Variants in GAS6 observed in about 807,000 individuals in gnomAD.
The protein encoded by GAS6 is growth arrest specific 6.
In GAS6, 41 loss-of-function variants were observed where a neutral mutation model predicts 75.8. The ratio of observed to expected loss-of-function variants is 0.54; its 90% CI spans 0.42 to 0.70. The LOEUF (loss-of-function observed/expected upper bound fraction) is 0.70, where lower values mean the gene tolerates loss of function less well. Among genes scored for constraint, GAS6 ranks in the 30% least tolerant of loss-of-function variants. The probability of loss-of-function intolerance (pLI) is 0.00; values close to 1 mark genes in which losing one functional copy is unlikely to be tolerated. For missense variants in GAS6, 854 were observed against 940.2 expected, an observed-to-expected ratio of 0.91 and a Z score of 1.20; for synonymous variants, 432 against 412.6, an observed-to-expected ratio of 1.05 and a Z score of -0.57.
At chr13:113,824,366 C>CT (rs1380788112) in intron 12 of GAS6, among the ~76,000 whole-genome samples, 2 of 149,740 alleles carry the variant, frequency 1.3e-5, no homozygotes, top group Non-Finnish European at 3.0e-5. Flanking sequence ...GGTCTGGGGT[C>CT]TGAGCTGTCA....
rs1394955010 is a variant in GAS6, at chr13:113,837,149, G to T, written c.589+920C>A. ...CAGTGATGGGAGGGGCTCTGTCCTC[G>T]GCGGGGAAATGGGTTTATGTGTTAA... On this transcript the variant is annotated intron_variant, in intron 6 of 14. Transcript: ENST00000327773. The surrounding 1 kb of genome is among the most constrained non-coding windows in gnomAD (Gnocchi z 5.1). 6.6e-6 allele frequency among the ~76,000 whole-genome samples: 1 copy of T among 151,924 alleles called. No individual in the cohort carries two copies. Among genetic ancestry groups the T allele is most frequent in the East Asian group, 1.9e-4 (1 of 5,178 alleles).
At chr13:113,835,004 C>A (rs932720624) in intron 7 of GAS6, among the ~76,000 whole-genome samples, 4 of 152,216 alleles carry the variant, frequency 2.6e-5, no homozygotes, top group African/African-American at 9.6e-5. Context: ...AGTGAGGTGT[C>A]CCCCGGAGCA....
intron 2 of GAS6, among the ~76,000 whole-genome samples, chr13:113,852,705 C>A (rs1361919330): frequency 1.3e-5 from 2 of 152,206 alleles, no homozygotes; most frequent in Non-Finnish European, 2.9e-5. Context: ...AGGTCTCCCC[C>A]GCTCAAAGCC....
At chr13:113,843,029 C>T (rs922939139) in intron 4 of GAS6, 4 of 393,408 alleles carry the variant, frequency 1.0e-5, no homozygotes, top group Admixed American at 4.4e-5. Context: ...GATGCAAGGA[C>T]GGAACCACAC....
Position 113,848,060 on chromosome 13 carries a change from A to C in GAS6, c.256-10T>G, listed in dbSNP as rs375428474. On this transcript the variant is annotated splice_polypyrimidine_tract_variant and intron_variant, in intron 2 of 14. Transcript: ENST00000327773. The surrounding 1 kb of genome is among the most constrained non-coding windows in gnomAD (Gnocchi z 4.8). ...TTGGGTAAAAATAATCCTGTGGAAAAAGAAAAAGAAAAGGCAAGCATTGAC... is the reference window on the plus strand; with the variant it reads ...TTGGGTAAAAATAATCCTGTGGAAACAGAAAAAGAAAAGGCAAGCATTGAC... The C allele has an allele frequency of 8.7e-6, 14 of 1,612,616 alleles. No homozygotes were observed. Among genetic ancestry groups the C allele is most frequent in the Non-Finnish European group, 1.2e-5 (14 of 1,179,422 alleles).
chr13:113,860,440 G>T (rs749995282), intron 2 of GAS6, among the ~76,000 whole-genome samples: 2 of 152,212 alleles, frequency 1.3e-5, no homozygotes, highest in Non-Finnish European at 2.9e-5. Flanking sequence ...GGCTGGGCTG[G>T]GATAAGTCTC....
chr13:113,858,882 T>C (rs2051941980), intron 2 of GAS6, among the ~76,000 whole-genome samples: 1 of 152,078 alleles, frequency 6.6e-6, no homozygotes, highest in Non-Finnish European at 1.5e-5. Flanking sequence ...CATGACTATG[T>C]AAGTCTATGT....
chr13:113,855,437 T>A (rs1048682207), intron 2 of GAS6, among the ~76,000 whole-genome samples: 1 of 152,190 alleles, frequency 6.6e-6, no homozygotes, highest in African/African-American at 2.4e-5. Context: ...ACAAACACGA[T>A]TGCAAAGTTC....
At chr13:113,859,378 G>A (rs1045792286) in intron 2 of GAS6, among the ~76,000 whole-genome samples, 1 of 151,236 alleles carries the variant, frequency 6.6e-6, no homozygotes, top group Non-Finnish European at 1.5e-5. Flanking sequence ...CTATGTGAAT[G>A]TGTGCATGTA....
At chr13:113,856,866 C>G (rs1426081782) in intron 2 of GAS6, among the ~76,000 whole-genome samples, 2 of 152,224 alleles carry the variant, frequency 1.3e-5, no homozygotes, top group African/African-American at 4.8e-5. Flanking sequence ...CTTAGCAATT[C>G]AGAAAAGAAA....
intron 2 of GAS6, among the ~76,000 whole-genome samples, chr13:113,858,245 CAT>C (rs2051929902): frequency 6.6e-6 from 1 of 152,170 alleles, no homozygotes; most frequent in South Asian, 2.1e-4. Flanking sequence ...GCTGGGCATC[CAT>C]GTGTGCCTGT....
chr13:113,842,383 G>A (rs1190308391), intron 4 of GAS6: 1 of 392,564 alleles, frequency 2.5e-6, no homozygotes, highest in African/African-American at 2.1e-5. Context: ...CAGGGGCTGG[G>A]GCTGGCCTTC....
rs982868057 is a variant in GAS6, at chr13:113,848,712, G to T, written c.256-662C>A. Among the ~76,000 whole-genome samples, 1 of 152,124 alleles carries T rather than the reference G, an allele frequency of 6.6e-6. No individual in the cohort carries two copies. The highest frequency in any genetic ancestry group is 1.5e-5 in the Non-Finnish European group (1 of 68,014). On this transcript the variant is annotated intron_variant, in intron 2 of 14. Coordinates refer to ENST00000327773, the MANE Select transcript of GAS6 (RefSeq NM_000820.4). This position sits in a 1 kb window ranked among gnomAD's most constrained non-coding sequence, Gnocchi z 4.8. Reference sequence around the variant, plus strand: ...TAGGGTCAACCATGCCAGCAGTTTGGCCCTAAATGCTCTAAACCAAGAGAC... The same window carrying T: ...TAGGGTCAACCATGCCAGCAGTTTGTCCCTAAATGCTCTAAACCAAGAGAC...
intron 8 of GAS6, 77 bp downstream of exon 8, chr13:113,834,474 T>A: frequency 7.3e-7 from 1 of 1,377,428 alleles, no homozygotes; most frequent in Non-Finnish European, 9.5e-7. Context: ...TTCACGGAAG[T>A]GTTTCTCCCG....
At chr13:113,826,010 T>C (rs145260916) in intron 12 of GAS6, among the ~76,000 whole-genome samples, 357 of 152,172 alleles carry the variant, frequency 2.3e-3, no homozygotes, top group African/African-American at 8.1e-3. Context: ...TGTCCAGGAA[T>C]AGGGCAGGGC....
In GAS6 at chr13:113,832,640, G is replaced by C. The variant is rs2051643292; in HGVS notation, c.947C>G (p.Pro316Arg). 6.2e-7 allele frequency: 1 copy of C among 1,612,648 alleles called. No homozygotes were observed. Among genetic ancestry groups the C allele is most frequent in the South Asian group, 1.1e-5 (1 of 91,088 alleles). Residue 316 changes from proline (P) to arginine (R), a missense_variant, in exon 9 of 15, where the codon CCC becomes CGC. Physicochemically the swap from Pro to Arg is moderately radical, Grantham distance 103. Coordinates refer to ENST00000327773, the MANE Select transcript of GAS6 (RefSeq NM_000820.4). ...VIRLRFKRLQPTRLVAEFDFR... is the reference protein window; with the variant it reads ...VIRLRFKRLQRTRLVAEFDFR... ...CCTGTGGACACCTCCTCACCTGGTG[G>C]GCTGCAGCCTCTTGAAGCGCAGTCG...
rs748021308 is a variant in GAS6, at chr13:113,848,326, C to T, written c.256-276G>A. On this transcript the variant is annotated intron_variant, in intron 2 of 14. Transcript: ENST00000327773. The surrounding 1 kb of genome is among the most constrained non-coding windows in gnomAD (Gnocchi z 4.8). ...GAATGCTTCCAAGTAAAACCCCACT[C>T]TTAGTTCCCTGTTGACATAAGGGTC... is the stretch of plus-strand genomic sequence containing the variant. Among the ~76,000 whole-genome samples, 2 of 152,204 alleles carry T rather than the reference C, an allele frequency of 1.3e-5. No individual in the cohort carries two copies. Among genetic ancestry groups the T allele is most frequent in the African/African-American group, 2.4e-5 (1 of 41,454 alleles).
At chr13:113,833,901 TGGTGTGACAGGTC>T (rs2051663384) in intron 8 of GAS6, among the ~76,000 whole-genome samples, 1 of 139,570 alleles carries the variant, frequency 7.2e-6, no homozygotes. Flanking sequence ...TGACAGGCAG[TGGTGTGACAGGTC>T]GGTGTGACAG....
chr13:113,840,987 T>A (rs1196996406), intron 4 of GAS6: 6 of 152,296 alleles, frequency 3.9e-5, no homozygotes, highest in African/African-American at 1.2e-4. Context: ...TCCTAAGGGG[T>A]CAGCCCTGGT....
Sources: allele counts gnomAD v4.1 joint callset (sites outside exome capture counted in the v4.1 genomes callset), GRCh38; gene constraint gnomAD v4.1.1; non-coding constraint Gnocchi (gnomAD v3.1); transcripts MANE v1.5; gene names NCBI Gene and HGNC (gene_info 2026-07-23, HGNC 2026-07-21).